Variants in CDH8 observed in about 807,000 individuals in gnomAD.
The protein encoded by CDH8 is cadherin 8.
In CDH8, 17 loss-of-function variants were observed where a neutral mutation model predicts 68.1. The observed-to-expected ratio is 0.25, with a 90% CI of 0.17 to 0.37. The LOEUF is 0.37. Ranked by LOEUF, CDH8 falls within the 10% of genes least tolerant of loss-of-function variation. CDH8 has a pLI of 1.00. For missense variants in CDH8, 763 were observed against 999.3 expected, an observed-to-expected ratio of 0.76 and a Z score of 3.19; for synonymous variants, 372 against 365.1, an observed-to-expected ratio of 1.02 and a Z score of -0.21.
chr16:61,656,290 C>T (rs1490233837), intron 10 of CDH8, among the ~76,000 whole-genome samples: 2 of 152,170 alleles, frequency 1.3e-5, no homozygotes, highest in African/African-American at 4.8e-5. Context: ...ATTTCTTTTA[C>T]AAAAATAATC....
rs908384937 is a variant in CDH8, at chr16:61,801,684, C to T, written c.1278-12202G>A. Among the ~76,000 whole-genome samples, 7 of 152,258 alleles carry T rather than the reference C, an allele frequency of 4.6e-5. No individual in the cohort carries two copies. In the South Asian group the frequency reaches 8.3e-4, roughly 18 times the overall value. ...GCAAGGGGTCAGGGAGTTCCCTTTC[C>T]GAGTCAAAGAAAGGGGTGACGGACG... On this transcript the variant is annotated intron_variant, in intron 7 of 11. Coordinates refer to ENST00000577390, the MANE Select transcript of CDH8 (RefSeq NM_001796.5).
chr16:61,749,709 C>A (rs576210525), intron 8 of CDH8, among the ~76,000 whole-genome samples: 5 of 151,912 alleles, frequency 3.3e-5, no homozygotes, highest in African/African-American at 9.7e-5. Flanking sequence ...TATTTGTCCC[C>A]GTTTTATTTT....
chr16:61,674,910 C>T (rs969625056), intron 10 of CDH8, among the ~76,000 whole-genome samples: 1 of 149,474 alleles, frequency 6.7e-6, no homozygotes, highest in African/African-American at 2.5e-5. Flanking sequence ...GCAATAGCAA[C>T]TATCTGAACA....
chr16:61,923,131 C>T (rs1212558170), intron 2 of CDH8, among the ~76,000 whole-genome samples: 1 of 152,110 alleles, frequency 6.6e-6, no homozygotes, highest in Non-Finnish European at 1.5e-5. Flanking sequence ...ACCAATAATT[C>T]ATATATGATA....
chr16:62,018,575 T>A (rs1159865684), intron 2 of CDH8, among the ~76,000 whole-genome samples: 1 of 152,186 alleles, frequency 6.6e-6, no homozygotes, highest in Non-Finnish European at 1.5e-5. Context: ...CTGAAATGTA[T>A]TTTTGGCTAC....
chr16:61,891,457 A>G (rs996024973), intron 3 of CDH8, among the ~76,000 whole-genome samples: 2 of 152,134 alleles, frequency 1.3e-5, no homozygotes, highest in African/African-American at 4.8e-5. Context: ...ACTGTAACCA[A>G]TTTCCCCGTT....
intron 2 of CDH8, among the ~76,000 whole-genome samples, chr16:61,975,496 G>T (rs921872988): frequency 6.6e-6 from 1 of 152,150 alleles, no homozygotes; most frequent in Non-Finnish European, 1.5e-5. Context: ...CACAGGGACT[G>T]CCATGTAGTA....
chr16:62,024,313 T>C (rs1001693117), intron 1 of CDH8, among the ~76,000 whole-genome samples: 1 of 152,070 alleles, frequency 6.6e-6, no homozygotes, highest in African/African-American at 2.4e-5. Flanking sequence ...TCTGACAGGT[T>C]GGTTTTGAGG....
intron 8 of CDH8, among the ~76,000 whole-genome samples, chr16:61,742,561 C>T (rs1959905058): frequency 6.6e-6 from 1 of 152,100 alleles, no homozygotes; most frequent in Admixed American, 6.6e-5. Flanking sequence ...AAAAGAAATG[C>T]ATACTTAACT....
In CDH8 at chr16:61,751,787, T is replaced by C. The variant is rs187898920; in HGVS notation, c.1415-24572A>G. The stretch of plus-strand genomic sequence containing the variant: ...TATATTACATTGAGTTGTGGTGGAC[T>C]TTCTAGTTCAAATATTTGAAGATGT... On this transcript the variant is annotated intron_variant, in intron 8 of 11. Coordinates refer to ENST00000577390, the MANE Select transcript of CDH8 (RefSeq NM_001796.5). 1.5e-3 allele frequency among the ~76,000 whole-genome samples: 231 copies of C among 152,290 alleles called. 1 individual carries two copies. The highest frequency in any genetic ancestry group is 3.1e-3 in the South Asian group (15 of 4,830).
intron 10 of CDH8, among the ~76,000 whole-genome samples, chr16:61,700,430 G>A (rs1964402430): frequency 6.6e-6 from 1 of 151,916 alleles, no homozygotes; most frequent in Non-Finnish European, 1.5e-5. Context: ...ACAGACACGT[G>A]CCACAACGCC....
chr16:61,761,794 G>C (rs931101357), intron 8 of CDH8, among the ~76,000 whole-genome samples: 3 of 152,038 alleles, frequency 2.0e-5, no homozygotes, highest in Admixed American at 2.0e-4. Context: ...CCTAAGTTCA[G>C]GAGTTAAAGA....
intron 5 of CDH8, among the ~76,000 whole-genome samples, chr16:61,821,462 A>C (rs1333204652): frequency 6.6e-6 from 1 of 152,076 alleles, no homozygotes; most frequent in East Asian, 1.9e-4. Flanking sequence ...AATCACATTT[A>C]CTGCCCATGG....
At chr16:61,938,115 A>AT (rs1351688848) in intron 2 of CDH8, 20 of 152,110 alleles carry the variant, frequency 1.3e-4, no homozygotes, top group Admixed American at 1.3e-3. Flanking sequence ...AGTAATAGAG[A>AT]TTTTTTTAAA....
chr16:61,728,803 T>A (rs552106746), intron 8 of CDH8, among the ~76,000 whole-genome samples: 46 of 151,244 alleles, frequency 3.0e-4, no homozygotes, highest in Admixed American at 8.6e-4. Context: ...ACATGCACCT[T>A]TGGAGACCCA....
At chr16:61,906,410 A>G (rs889908373) in intron 2 of CDH8, among the ~76,000 whole-genome samples, 9 of 152,196 alleles carry the variant, frequency 5.9e-5, no homozygotes, top group Non-Finnish European at 1.2e-4. Flanking sequence ...GCCTGGTTGG[A>G]GAAGCAGAGA....
intron 2 of CDH8, among the ~76,000 whole-genome samples, chr16:61,907,505 C>G (rs977361082): frequency 2.0e-5 from 3 of 151,710 alleles, no homozygotes; most frequent in African/African-American, 7.3e-5. Context: ...AAAGTGAGAC[C>G]CTGTATCTAA....
chr16:61,959,825 A>G (rs1033285595), intron 2 of CDH8, among the ~76,000 whole-genome samples: 4 of 146,548 alleles, frequency 2.7e-5, no homozygotes, highest in Non-Finnish European at 4.5e-5. Flanking sequence ...CTCTCTCTGT[A>G]TGTGTGTGTG....
At chr16:61,704,840 AG>A (rs1596882977) in intron 10 of CDH8, among the ~76,000 whole-genome samples, 1 of 152,164 alleles carries the variant, frequency 6.6e-6, no homozygotes, top group African/African-American at 2.4e-5. Flanking sequence ...TCATTTTGTA[AG>A]AGAAAAAACT....
Sources: allele counts gnomAD v4.1 joint callset (sites outside exome capture counted in the v4.1 genomes callset), GRCh38; gene constraint gnomAD v4.1.1; transcripts MANE v1.5; gene names NCBI Gene and HGNC (gene_info 2026-07-23, HGNC 2026-07-21).